RGPD3: variants seen among roughly 807,000 people sequenced by gnomAD.
RGPD3 encodes the protein RANBP2 like and GRIP domain containing 3.
A neutral mutation model predicts 154.5 loss-of-function variants in RGPD3; 62 were observed. The observed-to-expected ratio is 0.40, with a 90% CI of 0.33 to 0.50. RGPD3 has a LOEUF of 0.50. Among genes scored for constraint, RGPD3 ranks in the 20% least tolerant of loss-of-function variants. RGPD3 has a pLI of 0.59. For synonymous variants in RGPD3, 308 were observed against 607.0 expected (o/e 0.51, Z 7.24); for missense variants, 919 against 1,716.8 (o/e 0.54, Z 8.21).
chr2:106,463,809 C>G (rs1485364961), intron 1 of RGPD3, among the ~76,000 whole-genome samples: 1 of 152,010 alleles, frequency 6.6e-6, no homozygotes, highest in African/African-American at 2.4e-5. Flanking sequence ...GTTTAAGTTG[C>G]TGAGTTTAAG....
intron 21 of RGPD3, 52 bp downstream of exon 21, chr2:106,415,798 T>C: frequency 1.2e-6 from 2 of 1,609,870 alleles, no homozygotes; most frequent in Non-Finnish European, 1.7e-6. Context: ...GTATGGAGGG[T>C]CCAGAAAACC....
chr2:106,465,129 G>C (rs369583981), intron 1 of RGPD3, among the ~76,000 whole-genome samples: 1 of 151,002 alleles, frequency 6.6e-6, no homozygotes, highest in Non-Finnish European at 1.5e-5. Context: ...TAGAAAGCAT[G>C]GGCAGTTCAC....
At chr2:106,410,245 TATA>T (rs1211382844) in intron 22 of RGPD3, among the ~76,000 whole-genome samples, 4 of 152,138 alleles carry the variant, frequency 2.6e-5, no homozygotes, top group African/African-American at 9.7e-5. Flanking sequence ...GGTTTTTAAT[TATA>T]ATAAGGTCTC....
Position 106,459,337 on chromosome 2 carries a change from A to G in RGPD3, c.73-5T>C. ...ATAGAATCCTCTCGTTGACTTCTAA[A>G]AAAAATTAAAAGTTGTTTTACGTTT... On this transcript the variant is annotated splice_region_variant and splice_polypyrimidine_tract_variant and intron_variant, in intron 1 of 22. Transcript: ENST00000409886. 1 of 1,547,788 alleles carries G rather than the reference A, an allele frequency of 6.5e-7. No homozygotes were observed. Among genetic ancestry groups the G allele is most frequent in the East Asian group, 2.3e-5 (1 of 44,058 alleles).
chr2:106,415,723 C>CTAATA (rs1325126938), intron 21 of RGPD3, 127 bp downstream of exon 21: 2 of 680,822 alleles, frequency 2.9e-6, no homozygotes, highest in Non-Finnish European at 4.7e-6. Flanking sequence ...CATCAGGAAT[C>CTAATA]TAATATAAAG....
intron 18 of RGPD3, among the ~76,000 whole-genome samples, chr2:106,426,732 T>C (rs548226000): frequency 1.3e-5 from 2 of 152,364 alleles, no homozygotes; most frequent in Admixed American, 6.5e-5. Context: ...AAACTACCAA[T>C]AGTCATTTGC....
chr2:106,405,201 A>C lies in RGPD3; in HGVS notation c.*18T>G. On this transcript the variant is annotated 3_prime_UTR_variant, in exon 23 of 23. Transcript: ENST00000409886. ...AACTACGAAGATAGGATGCCCATCCAGAAGAACGGGAAGCATTTTATTCCT... is the reference window on the plus strand; with the variant it reads ...AACTACGAAGATAGGATGCCCATCCCGAAGAACGGGAAGCATTTTATTCCT... 1 of 1,610,444 alleles carries C rather than the reference A, an allele frequency of 6.2e-7. No homozygotes were observed. Among genetic ancestry groups the C allele is most frequent in the Admixed American group, 1.7e-5 (1 of 59,348 alleles).
chr2:106,464,721 T>C (rs191026274), intron 1 of RGPD3, among the ~76,000 whole-genome samples: 99 of 151,926 alleles, frequency 6.5e-4, no homozygotes, highest in Non-Finnish European at 1.3e-3. Flanking sequence ...ATTATATATT[T>C]TTTTCTTTTT....
chr2:106,413,205 G>A lies in RGPD3; in HGVS notation c.5145C>T (p.Asn1715=), dbSNP rs777131558. The A allele has an allele frequency of 2.7e-5, 44 of 1,611,932 alleles. No homozygotes were observed. Among genetic ancestry groups the A allele is most frequent in the East Asian group, 2.2e-4 (10 of 44,872 alleles). Residue 1715 remains asparagine (N), a synonymous_variant, in exon 22 of 23, where the codon AAC becomes AAT. Coordinates refer to ENST00000409886, the MANE Select transcript of RGPD3 (RefSeq NM_001144013.2). Reference sequence around the variant, plus strand: ...TCAAGAAAATGAACTGCAGCAAGACGTTCTTCAAGTGTTCCACGTTAGCTG... The same window carrying A: ...TCAAGAAAATGAACTGCAGCAAGACATTCTTCAAGTGTTCCACGTTAGCTG... ...VSAANVEHLK[N]VLLQFIFLKP... is the part of the protein sequence containing the mutation.
chr2:106,446,142 CT>C (rs561999306), intron 7 of RGPD3, among the ~76,000 whole-genome samples: 77 of 115,202 alleles, frequency 6.7e-4, no homozygotes, highest in African/African-American at 2.4e-3. Context: ...GTAATGAATC[CT>C]TTTTTTTCCC....
rs1380152790 is a variant in RGPD3 at position 106,418,147 on chromosome 2, A to C, written c.4925-2158T>G. Among the ~76,000 whole-genome samples, 15 of 144,730 alleles carry C rather than the reference A, an allele frequency of 1.0e-4. 4 individuals carry two copies. The highest frequency in any genetic ancestry group is 3.5e-3 in the Middle Eastern group (1 of 286). 94.9% of individuals were successfully genotyped at this position (144,730 alleles called of 152,430 possible). ...AGCTCAAAACAAAAAAACAAACAAA[A>C]AAAAACTTAGTCATCAAACTTTTAA... On this transcript the variant is annotated intron_variant, in intron 20 of 22. Coordinates refer to ENST00000409886, the MANE Select transcript of RGPD3 (RefSeq NM_001144013.2).
intron 17 of RGPD3, among the ~76,000 whole-genome samples, chr2:106,430,114 C>G (rs1333412799): frequency 6.7e-6 from 1 of 149,792 alleles, no homozygotes. Context: ...GAACTCCTGA[C>G]CTCAAGTGAT....
chr2:106,415,836 T>C lies in RGPD3; in HGVS notation c.5064+14A>G. The C allele has an allele frequency of 1.2e-6, 2 of 1,611,654 alleles. No homozygotes were observed. Among genetic ancestry groups the C allele is most frequent in the South Asian group, 2.2e-5 (2 of 90,950 alleles). ...ACTGGCAGTTTTTATGGTGGCCAGG[T>C]TTTCTGATCTCACCTTAATTTGCTC... On this transcript the variant is annotated intron_variant, in intron 21 of 22. Coordinates refer to ENST00000409886, the MANE Select transcript of RGPD3 (RefSeq NM_001144013.2).
chr2:106,451,132 G>C (rs1226967686), intron 6 of RGPD3, among the ~76,000 whole-genome samples: 2 of 148,574 alleles, frequency 1.3e-5, no homozygotes, highest in African/African-American at 5.0e-5. Flanking sequence ...AAGAAAGAAA[G>C]GAACCCACAT....
At position 106,424,727 on chromosome 2, in the gene RGPD3, C is replaced by A. The variant is rs780436645; in HGVS notation, c.3240G>T (p.Arg1080Ser). The change falls in exon 20 of 23, where the codon AGG (arginine) becomes AGT (serine). Residue 1080 changes from arginine (R) to serine (S), a missense_variant. Coordinates refer to ENST00000409886, the MANE Select transcript of RGPD3 (RefSeq NM_001144013.2). Reference protein sequence around the residue: ...FDAEVSQWKERGLGNLKILKN... With the variant: ...FDAEVSQWKESGLGNLKILKN... ...TGAGAATTTTTAAGTTCCCCAAGCC[C>A]CTTTCTTTCCACTGACTTACCTCAG... 1 of 1,611,952 alleles carries A rather than the reference C, an allele frequency of 6.2e-7. No homozygotes were observed. Among genetic ancestry groups the A allele is most frequent in the South Asian group, 1.1e-5 (1 of 90,982 alleles).
At chr2:106,417,309 T>C (rs1676850324) in intron 20 of RGPD3, among the ~76,000 whole-genome samples, 1 of 127,374 alleles carries the variant, frequency 7.9e-6, no homozygotes, top group African/African-American at 3.2e-5. Flanking sequence ...CATCCAACCA[T>C]CCAATTAGCT....
At chr2:106,433,585 TA>T in intron 15 of RGPD3, among the ~76,000 whole-genome samples, 1 of 42,158 alleles carries the variant, frequency 2.4e-5, no homozygotes. Flanking sequence ...TTACTTCTGT[TA>T]ACCATGATAA....
chr2:106,460,384 C>G (rs1678373142), intron 1 of RGPD3, among the ~76,000 whole-genome samples: 1 of 151,572 alleles, frequency 6.6e-6, no homozygotes, highest in Non-Finnish European at 1.5e-5. Context: ...TATTAAGGCA[C>G]TGAGGATTCC....
At chr2:106,467,591 C>A in intron 1 of RGPD3, among the ~76,000 whole-genome samples, 1 of 143,430 alleles carries the variant, frequency 7.0e-6, no homozygotes, top group South Asian at 2.2e-4. Context: ...AGCCATGATG[C>A]CTGAGCCATC....
Sources: allele counts gnomAD v4.1 joint callset (sites outside exome capture counted in the v4.1 genomes callset), GRCh38; gene constraint gnomAD v4.1.1; transcripts MANE v1.5; gene names NCBI Gene and HGNC (gene_info 2026-07-23, HGNC 2026-07-21).